Variants in MYO15A observed in about 807,000 individuals in gnomAD.
The protein encoded by MYO15A is unconventional myosin-XV.
In MYO15A, 308 loss-of-function variants were observed where a neutral mutation model predicts 394.6. The observed-to-expected ratio is 0.78, with a 90% CI of 0.71 to 0.86. The LOEUF is 0.86. MYO15A is among the 40% of genes least tolerant of loss of function. The pLI, the probability that MYO15A is intolerant of heterozygous loss-of-function variation, is 0.00. For synonymous variants in MYO15A, 1,957 were observed against 2,003.8 expected, an observed-to-expected ratio of 0.98 and a Z score of 0.62; for missense variants, 4,606 against 4,799.1, an observed-to-expected ratio of 0.96 and a Z score of 1.19.
At chr17:18,136,364 C>T in intron 13 of MYO15A, 53 bp from the exon 14 acceptor site, 1 of 1,609,186 alleles carries the variant, frequency 6.2e-7, no homozygotes, top group Non-Finnish European at 8.5e-7. Flanking sequence ...TGGGGGCTTT[C>T]CGGAGGCAGA....
Position 18,132,404 on chromosome 17 carries a change from C to A in MYO15A, c.4207-49C>A. ...TGGGCTTGTATGTGTGCCTGGGGGT[C>A]ACCTAGGTAGGTGGCTCCCTTCTCT... On this transcript the variant is annotated intron_variant, in intron 10 of 65. Coordinates refer to ENST00000647165, the MANE Select transcript of MYO15A (RefSeq NM_016239.4). This position sits in a 1 kb window ranked among gnomAD's most constrained non-coding sequence, Gnocchi z 4.6. 6.8e-7 allele frequency: 1 copy of A among 1,477,718 alleles called. No homozygotes were observed. The highest frequency in any genetic ancestry group is 9.5e-7 in the Non-Finnish European group (1 of 1,058,130). 91.5% of individuals were successfully genotyped at this position (1,477,718 alleles called of 1,614,324 possible).
intron 10 of MYO15A, 135 bp downstream of exon 10, chr17:18,131,666 G>A (rs1479885504): frequency 1.8e-6 from 2 of 1,130,242 alleles, no homozygotes; most frequent in Non-Finnish European, 2.6e-6. Context: ...GTGTACATGT[G>A]AGCCCAGGAC....
chr17:18,167,795 C>T, intron 62 of MYO15A, 72 bp downstream of exon 62: 1 of 1,590,334 alleles, frequency 6.3e-7, no homozygotes, highest in Non-Finnish European at 8.5e-7. Flanking sequence ...CTCCACCCTC[C>T]TCAGAGCTGG....
chr17:18,169,157 T>TAA (rs1555548316), intron 62 of MYO15A, among the ~76,000 whole-genome samples: 1 of 92,152 alleles, frequency 1.1e-5, no homozygotes, highest in African/African-American at 4.2e-5. Context: ...ATAATAATAA[T>TAA]AAAAATAGGC....
intron 47 of MYO15A, chr17:18,155,856 G>A (rs997891234): frequency 4.9e-5 from 21 of 432,028 alleles, no homozygotes; most frequent in African/African-American, 3.8e-4. Context: ...TTGCTAACTG[G>A]TTAGGTAAAA....
intron 34 of MYO15A, 28 bp downstream of exon 34, chr17:18,149,404 G>A (rs1243384474): frequency 6.2e-7 from 1 of 1,610,372 alleles, no homozygotes; most frequent in South Asian, 1.1e-5. Context: ...GCTGTCTCTG[G>A]TGGGGAGGGA....
Position 18,156,265 on chromosome 17 carries a change from G to A in MYO15A, c.8530G>A (p.Val2844Ile), listed in dbSNP as rs759264810. Residue 2844 changes from valine (V) to isoleucine (I), a missense_variant, in exon 48 of 66, where the codon GTC becomes ATC. This residue lies in a region of MYO15A where 2,776 missense variants were observed against 3,109.3 expected (regional missense o/e 0.89). Transcript: ENST00000647165. ...GGAGTTCAACCTGGCCAGTGAGAAG[G>A]TCATCCTCTTCTCAGCCCGAGCGCA... ...MLEFNLASEK[V>I]ILFSARAHQV... 1.2e-6 allele frequency: 2 copies of A among 1,614,170 alleles called. No homozygotes were observed. Among genetic ancestry groups the A allele is most frequent in the South Asian group, 2.2e-5 (2 of 91,084 alleles).
At chr17:18,159,812 GGGGAGGGGGCT>G in intron 55 of MYO15A, 112 bp from the exon 56 acceptor site, 1 of 1,445,750 alleles carries the variant, frequency 6.9e-7, no homozygotes, top group South Asian at 1.2e-5. Context: ...TCATGCTGGT[GGGGAGGGGGCT>G]GGGAAAGGGA....
At position 18,153,754 on chromosome 17, in the gene MYO15A, C is replaced by T; in HGVS notation, c.7967-21C>T. Reference sequence around the variant, plus strand: ...AAAACGAGGTGCCTTCTCCTGACTCCCTGATCCCCGCGCTCTCCAGCTCTG... The same window carrying T: ...AAAACGAGGTGCCTTCTCCTGACTCTCTGATCCCCGCGCTCTCCAGCTCTG... On this transcript the variant is annotated intron_variant, in intron 42 of 65. Coordinates refer to ENST00000647165, the MANE Select transcript of MYO15A (RefSeq NM_016239.4). The surrounding 1 kb of genome is among the most constrained non-coding windows in gnomAD (Gnocchi z 4.1). The T allele has an allele frequency of 6.2e-7, 1 of 1,612,906 alleles. No individual in the cohort carries two copies. The highest frequency in any genetic ancestry group is 1.1e-5 in the South Asian group (1 of 91,072).
chr17:18,161,338 G>C lies in MYO15A; in HGVS notation c.9408G>C (p.Trp3136Cys), dbSNP rs746969842. 3.7e-6 allele frequency: 6 copies of C among 1,613,938 alleles called. No homozygotes were observed. The East Asian group carries it at 1.3e-4, about 36-fold the overall frequency. ...SSKQDSCQRG[W>C]RLLYIVTAYH... ...GCAGGGACAGCTGCCAGCGAGGCTG[G>C]AGGCTGCTGTATATCGTGACCGCCT... The change falls in exon 57 of 66, where the codon TGG (tryptophan) becomes TGC (cysteine). Residue 3136 changes from tryptophan to cysteine, a missense_variant. Trp to Cys is a radical substitution (Grantham distance 215). Transcript: ENST00000647165.
chr17:18,174,102 G>C (rs1238284723), intron 65 of MYO15A, among the ~76,000 whole-genome samples, 181 bp downstream of exon 65: 8 of 152,204 alleles, frequency 5.3e-5, no homozygotes, highest in Non-Finnish European at 1.5e-5. Context: ...GAAGCAACTT[G>C]GCAGTGGGAA....
In MYO15A at chr17:18,151,796, G is replaced by C. The variant is rs758152870; in HGVS notation, c.7788-50G>C. 3.3e-6 allele frequency: 5 copies of C among 1,506,532 alleles called. No homozygotes were observed. The African/African-American group carries it at 6.9e-5, about 21-fold the overall frequency. The allele number at this position is 1,506,532 out of a possible 1,614,324, so 93.3% of individuals were successfully genotyped here. On this transcript the variant is annotated intron_variant, in intron 40 of 65. Transcript: ENST00000647165. ...GTTTCCTACTGTCAAACTATGTGAT[G>C]GGAAAGGGAGACTCAGTGTCAACCC...
intron 1 of MYO15A, chr17:18,110,359 G>C (rs1274640927): frequency 6.6e-6 from 1 of 152,242 alleles, no homozygotes; most frequent in Non-Finnish European, 1.5e-5. Flanking sequence ...ATGTGAGGCA[G>C]TGGTTGAGAC....
chr17:18,148,754 T>C lies in MYO15A; in HGVS notation c.6765-7T>C, dbSNP rs1410099679. On this transcript the variant is annotated splice_polypyrimidine_tract_variant and splice_region_variant and intron_variant, in intron 32 of 65. Coordinates refer to ENST00000647165, the MANE Select transcript of MYO15A (RefSeq NM_016239.4). This position sits in a 1 kb window ranked among gnomAD's most constrained non-coding sequence, Gnocchi z 4.8. ...CTCATTTCCATTCCTGTGCATGCCA[T>C]CACCAGGGGGCTGGCAGATGGCTGG... 6.3e-7 allele frequency: 1 copy of C among 1,592,180 alleles called. No homozygotes were observed. Among genetic ancestry groups the C allele is most frequent in the Non-Finnish European group, 8.6e-7 (1 of 1,168,442 alleles).
rs2045924103 is a variant in MYO15A, at chr17:18,121,279, C to T, written c.2479C>T (p.Arg827Cys). The change falls in exon 2 of 66, where the codon CGC becomes TGC. Residue 827 changes from arginine (R) to cysteine (C), a missense_variant. Arg to Cys is a radical substitution (Grantham distance 180). Around this residue, in one of 2 missense-constraint regions of MYO15A, gnomAD observed 1,830 missense variants for 1,689.7 expected, o/e 1.08. Transcript: ENST00000647165. This position sits in a 1 kb window ranked among gnomAD's most constrained non-coding sequence, Gnocchi z 5.3. ...PRSLQESPAP[R>C]RAAGRLGPPG... ...CTCGCTGCAGGAGTCCCCAGCCCCA[C>T]GCCGAGCCGCTGGGCGCCTGGGCCC... 1 of 1,370,356 alleles carries T rather than the reference C, an allele frequency of 7.3e-7. No individual in the cohort carries two copies. Among genetic ancestry groups the T allele is most frequent in the Admixed American group, 3.5e-5 (1 of 28,268 alleles). 84.9% of individuals were successfully genotyped at this position (1,370,356 alleles called of 1,614,324 possible).
In MYO15A at chr17:18,120,781, C is replaced by T; in HGVS notation, c.1981C>T (p.Leu661=). Residue 661 remains leucine (L), a synonymous_variant, in exon 2 of 66, where the codon CTG becomes TTG. Coordinates refer to ENST00000647165, the MANE Select transcript of MYO15A (RefSeq NM_016239.4). ...GACCCTCTCCCACTGGAGCGCGCTC[C>T]TGTCTCCGCCCGTGCCCCCGCGGCC... The part of the protein sequence containing the change: ...PRTLSHWSAL[L]SPPVPPRPPS... 3 of 1,386,002 alleles carry T rather than the reference C, an allele frequency of 2.2e-6. No homozygotes were observed. The highest frequency in any genetic ancestry group is 2.8e-6 in the Non-Finnish European group (3 of 1,077,310). The allele number at this position is 1,386,002 out of a possible 1,614,324, so 85.9% of individuals were successfully genotyped here. A position where few individuals can be genotyped will look rare whatever the true frequency, so the allele number is the denominator to read the frequency against.
At chr17:18,176,873 A>G (rs2142446258) in intron 65 of MYO15A, 1 of 152,310 alleles carries the variant, frequency 6.6e-6, no homozygotes, top group Middle Eastern at 3.4e-3. Context: ...GAAGGGACAA[A>G]TATCCAAACT....
At chr17:18,166,259 C>T in intron 60 of MYO15A, 102 bp from the exon 61 acceptor site, 3 of 1,504,948 alleles carry the variant, frequency 2.0e-6, no homozygotes, top group Non-Finnish European at 2.7e-6. Flanking sequence ...GGTGATACCT[C>T]ACCTGGGTAG....
Position 18,167,810 on chromosome 17 carries a change from C to T in MYO15A, c.10082+87C>T, listed in dbSNP as rs186439303. On this transcript the variant is annotated intron_variant, in intron 62 of 65. Transcript: ENST00000647165. ...CTCCACCCTCCTCAGAGCTGGCAGT[C>T]CCCAGGCCCTCAGGCTCCCCTCTTA... The T allele has an allele frequency of 4.0e-3, 6,311 of 1,570,488 alleles. 18 individuals are homozygous for T. Among genetic ancestry groups the T allele is most frequent in the Non-Finnish European group, 4.7e-3 (5,467 of 1,162,940 alleles).
Sources: gnomAD v4.1 joint callset for allele counts (sites outside exome capture counted in the v4.1 genomes callset) on GRCh38, gnomAD v4.1.1 for gene constraint, gnomAD v4.1.1 regional missense constraint, Gnocchi (gnomAD v3.1) non-coding constraint, MANE v1.5 for transcripts, NCBI Gene and HGNC (gene_info 2026-07-23, HGNC 2026-07-21) for gene names.